Variants in AUTS2 observed in about 807,000 individuals in gnomAD.
The protein encoded by AUTS2 is autism susceptibility gene 2 protein.
A neutral mutation model predicts 112.4 loss-of-function variants in AUTS2; 17 were observed. That is an observed-to-expected ratio of 0.15 (90% CI 0.10 to 0.23). The LOEUF (loss-of-function observed/expected upper bound fraction) is 0.23, where lower values mean the gene tolerates loss of function less well. Among genes scored for constraint, AUTS2 ranks in the 10% least tolerant of loss-of-function variants. The pLI is 1.00. For synonymous variants in AUTS2, 751 were observed against 702.7 expected (o/e 1.07, Z -1.09); for missense variants, 1,510 against 1,701.6 (o/e 0.89, Z 1.98).
chr7:70,240,601 T>G (rs1468071430), intron 4 of AUTS2, among the ~76,000 whole-genome samples: 1 of 152,224 alleles, frequency 6.6e-6, no homozygotes, highest in Non-Finnish European at 1.5e-5. Context: ...TGTCCCCATC[T>G]CTAGCCCTTT....
At chr7:69,788,721 A>G (rs923930398) in intron 1 of AUTS2, among the ~76,000 whole-genome samples, 1 of 151,676 alleles carries the variant, frequency 6.6e-6, no homozygotes, top group Non-Finnish European at 1.5e-5. Context: ...CTTGACCATT[A>G]TTCATAATTC....
At chr7:70,226,535 AT>A (rs1294607249) in intron 4 of AUTS2, among the ~76,000 whole-genome samples, 1 of 151,658 alleles carries the variant, frequency 6.6e-6, no homozygotes, top group Non-Finnish European at 1.5e-5. Flanking sequence ...ATTACAGATT[AT>A]TTTTTAACAT....
intron 1 of AUTS2, among the ~76,000 whole-genome samples, chr7:69,850,224 A>G (rs989991882): frequency 2.0e-5 from 3 of 151,452 alleles, no homozygotes; most frequent in Non-Finnish European, 4.4e-5. Context: ...GCTTGAACCC[A>G]GGAGGCAGAG....
intron 2 of AUTS2, among the ~76,000 whole-genome samples, chr7:70,094,443 A>C (rs1804082982): frequency 6.6e-6 from 1 of 152,362 alleles, no homozygotes; most frequent in South Asian, 2.1e-4. Flanking sequence ...AAAGAAGCAA[A>C]GGAAACATAC....
At chr7:69,906,410 G>C (rs1795150563) in intron 2 of AUTS2, among the ~76,000 whole-genome samples, 1 of 152,176 alleles carries the variant, frequency 6.6e-6, no homozygotes, top group Non-Finnish European at 1.5e-5. Context: ...ATGGGTGTCT[G>C]TGTGGTTTGC....
At chr7:70,268,267 G>A (rs1787530899) in intron 4 of AUTS2, among the ~76,000 whole-genome samples, 1 of 152,146 alleles carries the variant, frequency 6.6e-6, no homozygotes, top group South Asian at 2.1e-4. Context: ...AGTAAACTGT[G>A]TGCCTTTGAC....
At chr7:69,667,129 G>A (rs1210431205) in intron 1 of AUTS2, among the ~76,000 whole-genome samples, 1 of 152,020 alleles carries the variant, frequency 6.6e-6, no homozygotes, top group African/African-American at 2.4e-5. Context: ...ATGTGCAAGG[G>A]GGCTGAACAT....
At chr7:69,626,319 ATT>A (rs1793943725) in intron 1 of AUTS2, among the ~76,000 whole-genome samples, 1 of 152,042 alleles carries the variant, frequency 6.6e-6, no homozygotes, top group Admixed American at 6.6e-5. Flanking sequence ...TGGAGGTGCG[ATT>A]TAATTATTAT....
intron 4 of AUTS2, among the ~76,000 whole-genome samples, chr7:70,215,916 G>A (rs1811142048): frequency 1.3e-5 from 2 of 152,168 alleles, no homozygotes; most frequent in Non-Finnish European, 2.9e-5. Flanking sequence ...TTAAATCACA[G>A]ACTTTCTCTA....
chr7:70,430,867 G>A (rs1247745417), intron 4 of AUTS2, among the ~76,000 whole-genome samples: 30 of 120,908 alleles, frequency 2.5e-4, no homozygotes, highest in African/African-American at 9.8e-5. Context: ...ACGGAGTCTC[G>A]CTCTGTCGCC....
intron 5 of AUTS2, among the ~76,000 whole-genome samples, chr7:70,577,389 A>G (rs1802215587): frequency 6.6e-6 from 1 of 152,200 alleles, no homozygotes; most frequent in Non-Finnish European, 1.5e-5. Context: ...TTTTCTACCA[A>G]TAATTTTAAA....
intron 2 of AUTS2, among the ~76,000 whole-genome samples, chr7:69,918,009 AT>A (rs1490794703): frequency 6.6e-6 from 1 of 151,928 alleles, no homozygotes; most frequent in Non-Finnish European, 1.5e-5. Context: ...CACCTGGCTA[AT>A]TTTTGTATTT....
intron 1 of AUTS2, among the ~76,000 whole-genome samples, chr7:69,871,327 C>T (rs934593109): frequency 6.6e-6 from 1 of 152,162 alleles, no homozygotes; most frequent in Non-Finnish European, 1.5e-5. Flanking sequence ...CCAAGGTTGT[C>T]TGTCTTTCCT....
intron 4 of AUTS2, among the ~76,000 whole-genome samples, chr7:70,360,299 A>G (rs1170133530): frequency 4.6e-5 from 7 of 151,928 alleles, no homozygotes; most frequent in Admixed American, 3.3e-4. Flanking sequence ...TAAGTTTTAA[A>G]CTTTTTTTCT....
At chr7:70,754,784 T>A (rs1789088918) in intron 6 of AUTS2, among the ~76,000 whole-genome samples, 1 of 151,932 alleles carries the variant, frequency 6.6e-6, no homozygotes, top group African/African-American at 2.4e-5. Flanking sequence ...GATTAGATAT[T>A]CAAAAAGATA....
intron 17 of AUTS2, among the ~76,000 whole-genome samples, 189 bp downstream of exon 17, chr7:70,786,227 G>A (rs1307485731): frequency 6.6e-6 from 1 of 152,202 alleles, no homozygotes; most frequent in African/African-American, 2.4e-5. Context: ...TGTGAGGGCA[G>A]CCCCCTGTGG....
chr7:69,907,862 T>C (rs2129541503), intron 2 of AUTS2, among the ~76,000 whole-genome samples: 1 of 152,376 alleles, frequency 6.6e-6, no homozygotes, highest in South Asian at 2.1e-4. Flanking sequence ...GATTCTCTTA[T>C]GGCTGCCCCC....
intron 1 of AUTS2, among the ~76,000 whole-genome samples, chr7:69,864,253 A>G (rs142012599): frequency 1.1e-3 from 169 of 152,322 alleles, no homozygotes; most frequent in African/African-American, 3.9e-3. Flanking sequence ...CAATAAAGCA[A>G]ATTGTCTCCT....
At chr7:70,049,399 G>A (rs1801648386) in intron 2 of AUTS2, among the ~76,000 whole-genome samples, 1 of 151,384 alleles carries the variant, frequency 6.6e-6, no homozygotes, top group South Asian at 2.1e-4. Context: ...GCATGATCTC[G>A]GCTCACTGCA....
Sources: allele counts gnomAD v4.1 joint callset (sites outside exome capture counted in the v4.1 genomes callset), GRCh38; gene constraint gnomAD v4.1.1; transcripts MANE v1.5; gene names NCBI Gene and HGNC (gene_info 2026-07-23, HGNC 2026-07-21).